NECAP1: variants seen among roughly 807,000 people sequenced by gnomAD.
NECAP1 encodes the protein NECAP endocytosis associated 1.
A neutral mutation model predicts 33.4 loss-of-function variants in NECAP1; 13 were observed. The ratio of observed to expected loss-of-function variants is 0.39; its 90% CI spans 0.25 to 0.62. NECAP1 has a LOEUF of 0.62. Among genes scored for constraint, NECAP1 ranks in the 20% least tolerant of loss-of-function variants. The pLI, the probability that NECAP1 is intolerant of heterozygous loss-of-function variation, is 0.52. For missense variants in NECAP1, 272 were observed against 347.4 expected, an observed-to-expected ratio of 0.78 and a Z score of 1.73; for synonymous variants, 109 against 125.2, an observed-to-expected ratio of 0.87 and a Z score of 0.86.
At position 8,092,966 on chromosome 12, in the gene NECAP1, C is replaced by G. The variant is rs1479494019; in HGVS notation, c.587C>G (p.Thr196Ser). The G allele has an allele frequency of 1.9e-6, 3 of 1,610,612 alleles. No individual in the cohort carries two copies. The highest frequency in any genetic ancestry group is 2.5e-6 in the Non-Finnish European group (3 of 1,178,536). ...LLPPPPGGKV[T>S]IPPPSSSVAI... Reference sequence around the variant, plus strand: ...CCACCCCCGCCAGGAGGCAAAGTCACTATTCCCCCACCATCCTCCTCAGTT... The same window carrying G: ...CCACCCCCGCCAGGAGGCAAAGTCAGTATTCCCCCACCATCCTCCTCAGTT... Residue 196 changes from threonine (T) to serine (S), a missense_variant, in exon 6 of 8, where the codon ACT (threonine) becomes AGT (serine). Physicochemically the swap from Thr to Ser is moderately conservative, Grantham distance 58. Coordinates refer to ENST00000339754, the MANE Select transcript of NECAP1 (RefSeq NM_015509.4).
At chr12:8,087,740 A>G (rs1311938263) in intron 1 of NECAP1, among the ~76,000 whole-genome samples, 1 of 152,072 alleles carries the variant, frequency 6.6e-6, no homozygotes, top group Non-Finnish European at 1.5e-5. Flanking sequence ...GCATGATTAT[A>G]ATAAGTAATA....
At position 8,093,004 on chromosome 12, in the gene NECAP1, C is replaced by G. The variant is rs1591596873; in HGVS notation, c.625C>G (p.His209Asp). ...PPSSSVAISN[H>D]VTPPPIPKSN... ...ATCCTCCTCAGTTGCCATCAGCAAT[C>G]ATGTCACCCCACCACCCATTCCGAA... Residue 209 changes from histidine to aspartate, a missense_variant, in exon 6 of 8, where the codon CAT becomes GAT. His to Asp is a moderately conservative substitution (Grantham distance 81, BLOSUM62 -1). Coordinates refer to ENST00000339754, the MANE Select transcript of NECAP1 (RefSeq NM_015509.4). 1 of 1,614,082 alleles carries G rather than the reference C, an allele frequency of 6.2e-7. No individual in the cohort carries two copies. The highest frequency in any genetic ancestry group is 2.2e-5 in the East Asian group (1 of 44,876).
In NECAP1 at chr12:8,092,965, A is replaced by C; in HGVS notation, c.586A>C (p.Thr196Pro). 6.2e-7 allele frequency: 1 copy of C among 1,610,344 alleles called. No homozygotes were observed. The highest frequency in any genetic ancestry group is 8.5e-7 in the Non-Finnish European group (1 of 1,178,400). Residue 196 changes from threonine (T) to proline (P), a missense_variant, in exon 6 of 8, where the codon ACT (threonine) becomes CCT (proline). Transcript: ENST00000339754. ...LLPPPPGGKV[T>P]IPPPSSSVAI... ...CCCACCCCCGCCAGGAGGCAAAGTC[A>C]CTATTCCCCCACCATCCTCCTCAGT...
rs766363501 is a variant in NECAP1 at position 8,091,772 on chromosome 12, G to A, written c.305G>A (p.Arg102His). Residue 102 changes from arginine to histidine, a missense_variant, in exon 4 of 8, where the codon CGC (arginine) becomes CAC (histidine). Arg to His is a conservative substitution (Grantham distance 29, BLOSUM62 0). Coordinates refer to ENST00000339754, the MANE Select transcript of NECAP1 (RefSeq NM_015509.4). ...AGTCTTCCTACGTTTTCCACAGGGC[G>A]CAGTGCTTTCATTGGCATTGGCTTC... ...FVIRIQDGTG[R>H]SAFIGIGFTD... The A allele has an allele frequency of 6.8e-6, 11 of 1,613,764 alleles. No homozygotes were observed. Among genetic ancestry groups the A allele is most frequent in the Middle Eastern group, 1.7e-4 (1 of 6,044 alleles).
At position 8,090,062 on chromosome 12, in the gene NECAP1, C is replaced by T. The variant is rs374197379; in HGVS notation, c.196+26C>T. The T allele has an allele frequency of 1.5e-5, 24 of 1,593,262 alleles. No individual in the cohort carries two copies. The African/African-American group carries it at 2.9e-4, about 20-fold the overall frequency. On this transcript the variant is annotated intron_variant, in intron 2 of 7. Coordinates refer to ENST00000339754, the MANE Select transcript of NECAP1 (RefSeq NM_015509.4). ...GTAATCTTTGCGGGTGACCCTCTAACATTAAGAATATTAATTTGGTGTGCT... is the reference window on the plus strand; with the variant it reads ...GTAATCTTTGCGGGTGACCCTCTAATATTAAGAATATTAATTTGGTGTGCT...
At chr12:8,090,075 A>G in intron 2 of NECAP1, 39 bp downstream of exon 2, 1 of 1,588,368 alleles carries the variant, frequency 6.3e-7, no homozygotes, top group Non-Finnish European at 8.6e-7. Flanking sequence ...TAAGAATATT[A>G]ATTTGGTGTG....
chr12:8,082,697 C>T lies in NECAP1; in HGVS notation c.95+314C>T, dbSNP rs778991151. 1.5e-4 allele frequency: 48 copies of T among 328,494 alleles called. 1 individual carries two copies. In the South Asian group the frequency reaches 1.7e-3, roughly 11 times the overall value. 20.3% of individuals were successfully genotyped at this position (328,494 alleles called of 1,614,324 possible). ...CATGCACTTTCAGTCGTGCTTGCTC[C>T]ATTGCCAGTCCCCTTTCATTCGCTC... On this transcript the variant is annotated intron_variant, in intron 1 of 7. Coordinates refer to ENST00000339754, the MANE Select transcript of NECAP1 (RefSeq NM_015509.4).
intron 1 of NECAP1, among the ~76,000 whole-genome samples, chr12:8,087,268 A>G (rs1947500188): frequency 6.6e-6 from 1 of 151,270 alleles, no homozygotes; most frequent in African/African-American, 2.4e-5. Flanking sequence ...TTTTATTTAT[A>G]TATATATAAA....
intron 1 of NECAP1, among the ~76,000 whole-genome samples, chr12:8,085,795 C>A (rs998086090): frequency 1.3e-5 from 2 of 148,574 alleles, no homozygotes; most frequent in African/African-American, 5.0e-5. Context: ...TCTGTGCCTC[C>A]CAGATTCAAC....
chr12:8,086,355 G>T (rs970673307), intron 1 of NECAP1, among the ~76,000 whole-genome samples: 1 of 152,174 alleles, frequency 6.6e-6, no homozygotes, highest in Non-Finnish European at 1.5e-5. Context: ...GCTCATATCT[G>T]TAATCCCAGG....
chr12:8,083,421 C>CTTTTTTTT (rs71042328), intron 1 of NECAP1, among the ~76,000 whole-genome samples: 31 of 65,842 alleles, frequency 4.7e-4, no homozygotes, highest in Non-Finnish European at 6.0e-4. Context: ...TTTGTTTGTT[C>CTTTTTTTT]TTTTTTTTTT....
Position 8,089,924 on chromosome 12 carries a change from T to A in NECAP1, c.96-12T>A. ...GGACATGTGCCTGAGGCTTCCTCTT[T>A]TCCTGTCCTAGGGCCTCTGACTGGA... On this transcript the variant is annotated splice_polypyrimidine_tract_variant and intron_variant, in intron 1 of 7. Coordinates refer to ENST00000339754, the MANE Select transcript of NECAP1 (RefSeq NM_015509.4). 6.2e-7 allele frequency: 1 copy of A among 1,607,754 alleles called. No individual in the cohort carries two copies. The highest frequency in any genetic ancestry group is 8.5e-7 in the Non-Finnish European group (1 of 1,174,316).
In NECAP1 at chr12:8,092,905, C is replaced by A; in HGVS notation, c.526C>A (p.Pro176Thr). ...AAACAAGAAAGGAGGTGCTTCTAAG[C>A]CCAGGACTGCAAGGGGTGGGGGTCT... ...ITNKKGGASK[P>T]RTARGGGLSL... The change falls in exon 6 of 8, where the codon CCC becomes ACC. Residue 176 changes from proline to threonine, a missense_variant. Coordinates refer to ENST00000339754, the MANE Select transcript of NECAP1 (RefSeq NM_015509.4). 1 of 1,583,056 alleles carries A rather than the reference C, an allele frequency of 6.3e-7. No homozygotes were observed. The highest frequency in any genetic ancestry group is 1.2e-5 in the South Asian group (1 of 85,854).
chr12:8,089,727 A>G (rs1015637896), intron 1 of NECAP1: 1 of 526,832 alleles, frequency 1.9e-6, no homozygotes, highest in Non-Finnish European at 3.4e-6. Context: ...ATTGGACTCC[A>G]AAGTCCTCAA....
chr12:8,089,860 A>ATTC (rs1170443305), intron 1 of NECAP1, 76 bp from the exon 2 acceptor site: 6 of 1,063,426 alleles, frequency 5.6e-6, no homozygotes, highest in Non-Finnish European at 7.3e-6. Flanking sequence ...GGGAAATAGA[A>ATTC]ATACAGTCAA....
intron 1 of NECAP1, 192 bp from the exon 2 acceptor site, chr12:8,089,744 G>A (rs965862561): frequency 4.2e-5 from 23 of 552,520 alleles, no homozygotes; most frequent in Middle Eastern, 4.8e-4. Context: ...TCAAGTAGTA[G>A]CATTGTCTTT....
At chr12:8,087,436 C>A (rs1230588650) in intron 1 of NECAP1, among the ~76,000 whole-genome samples, 1 of 150,942 alleles carries the variant, frequency 6.6e-6, no homozygotes, top group African/African-American at 2.4e-5. Flanking sequence ...CATTTACTTA[C>A]AGAATTTGTT....
chr12:8,097,863 A>G lies in NECAP1; in HGVS notation c.*1773A>G, dbSNP rs1303982785. ...CCAGTAGTTAATAAAGGATATTTATATCACTCTTTATTAAGAAATAAGGCT... is the reference window on the plus strand; with the variant it reads ...CCAGTAGTTAATAAAGGATATTTATGTCACTCTTTATTAAGAAATAAGGCT... On this transcript the variant is annotated 3_prime_UTR_variant, in exon 8 of 8. Coordinates refer to ENST00000339754, the MANE Select transcript of NECAP1 (RefSeq NM_015509.4). The G allele has an allele frequency of 6.6e-6, 1 of 152,430 alleles. No homozygotes were observed. The highest frequency in any genetic ancestry group is 1.5e-5 in the Non-Finnish European group (1 of 68,038). The allele number at this position is 152,430 out of a possible 1,614,324, so 9.4% of individuals were successfully genotyped here. A position where few individuals can be genotyped will look rare whatever the true frequency, so the allele number is the denominator to read the frequency against.
intron 1 of NECAP1, among the ~76,000 whole-genome samples, chr12:8,085,283 G>A (rs1248938777): frequency 3.3e-5 from 5 of 152,154 alleles, no homozygotes; most frequent in Admixed American, 2.0e-4. Flanking sequence ...CTCCCAAAGT[G>A]CTGGGATTAC....
Sources: gnomAD v4.1 joint callset for allele counts (sites outside exome capture counted in the v4.1 genomes callset) on GRCh38, gnomAD v4.1.1 for gene constraint, MANE v1.5 for transcripts, NCBI Gene and HGNC (gene_info 2026-07-23, HGNC 2026-07-21) for gene names.